The following COL19A1 variants were observed in gnomAD, a reference collection of about 807,000 sequenced individuals.
The protein encoded by COL19A1 is collagen type XIX alpha 1 chain, also known as collagen alpha-1(XIX) chain.
Under a neutral mutation model 190.2 loss-of-function variants are expected in COL19A1, and 159 were observed. The observed-to-expected ratio is 0.84, with a 90% confidence interval of 0.73 to 0.95. The LOEUF is 0.95. Among genes scored for constraint, COL19A1 ranks in the 40% least tolerant of loss-of-function variants. The pLI is 0.00. For synonymous variants in COL19A1, 509 were observed against 458.9 expected (o/e 1.11, Z -1.39); for missense variants, 1,418 against 1,431.9 (o/e 0.99, Z 0.16).
intron 46 of COL19A1, among the ~76,000 whole-genome samples, chr6:70,186,737 C>T (rs1423026639): frequency 6.6e-6 from 1 of 152,162 alleles, no homozygotes; most frequent in Non-Finnish European, 1.5e-5. Context: ...CTCTCATTCT[C>T]TCTTGCACAA....
At chr6:70,183,049 G>A (rs1490039302) in intron 44 of COL19A1, among the ~76,000 whole-genome samples, 1 of 152,068 alleles carries the variant, frequency 6.6e-6, no homozygotes. Flanking sequence ...TGTGAGGAGT[G>A]GGGAGGTGAT....
chr6:70,027,768 A>G (rs558406864), intron 12 of COL19A1, among the ~76,000 whole-genome samples: 1 of 151,940 alleles, frequency 6.6e-6, no homozygotes, highest in African/African-American at 2.4e-5. Flanking sequence ...AATCTAGTGT[A>G]TAATTAAATA....
chr6:70,174,678 T>C (rs554085580), intron 41 of COL19A1, among the ~76,000 whole-genome samples: 1 of 152,146 alleles, frequency 6.6e-6, no homozygotes, highest in East Asian at 1.9e-4. Flanking sequence ...CTTTTGACGG[T>C]GAGTACTGGA....
intron 49 of COL19A1, among the ~76,000 whole-genome samples, chr6:70,204,643 A>G: frequency 6.6e-6 from 1 of 152,232 alleles, no homozygotes; most frequent in East Asian, 1.9e-4. Flanking sequence ...TGAGAGCTGA[A>G]CTTAAATGAA....
chr6:70,003,756 C>G (rs1366629641), intron 11 of COL19A1, among the ~76,000 whole-genome samples: 4 of 152,000 alleles, frequency 2.6e-5, no homozygotes, highest in Non-Finnish European at 5.9e-5. Context: ...TTATTTTGAG[C>G]CTTTGTGTAT....
intron 34 of COL19A1, among the ~76,000 whole-genome samples, chr6:70,160,297 A>G (rs1312864981): frequency 6.6e-6 from 1 of 152,024 alleles, no homozygotes; most frequent in Non-Finnish European, 1.5e-5. Flanking sequence ...AACACTTACA[A>G]AACCATCAGA....
intron 48 of COL19A1, among the ~76,000 whole-genome samples, chr6:70,190,765 T>C (rs1766814064): frequency 6.6e-6 from 1 of 152,178 alleles, no homozygotes; most frequent in Non-Finnish European, 1.5e-5. Flanking sequence ...ATGACTCTCA[T>C]TTACCAAGGA....
chr6:70,098,937 A>G (rs1783453063), intron 15 of COL19A1, among the ~76,000 whole-genome samples: 1 of 151,670 alleles, frequency 6.6e-6, no homozygotes. Context: ...GCAGCCCCTA[A>G]GAAAGGTGCC....
intron 14 of COL19A1, among the ~76,000 whole-genome samples, chr6:70,057,657 C>T (rs537027728): frequency 1.6e-4 from 24 of 152,016 alleles, no homozygotes; most frequent in African/African-American, 2.6e-4. Context: ...AATTAAGGAA[C>T]GCAGGTTATA....
At chr6:70,047,592 G>A (rs991541088) in intron 14 of COL19A1, among the ~76,000 whole-genome samples, 2 of 152,004 alleles carry the variant, frequency 1.3e-5, no homozygotes, top group Admixed American at 6.6e-5. Context: ...ATTCAAGTAC[G>A]ATAAGCACAA....
Position 70,209,301 on chromosome 6 carries a change from A to AT in COL19A1, c.*2033dup, listed in dbSNP as rs1466088702. On this transcript the variant is annotated 3_prime_UTR_variant, in exon 51 of 51. Transcript: ENST00000620364. ...AATATTTTATATGTTTTCAAAGATT[A>AT]TTTTTTCATATTAATAGGTTGTTTA... 1 of 152,392 alleles carries AT rather than the reference A, an allele frequency of 6.6e-6. No homozygotes were observed. Among genetic ancestry groups the AT allele is most frequent in the Admixed American group, 6.6e-5 (1 of 15,254 alleles). The allele number at this position is 152,392 out of a possible 1,614,324, so 9.4% of individuals were successfully genotyped here. A position where few individuals can be genotyped will look rare whatever the true frequency, so the allele number is the denominator to read the frequency against.
At chr6:69,977,942 GA>G (rs921946420) in intron 11 of COL19A1, among the ~76,000 whole-genome samples, 24 of 150,436 alleles carry the variant, frequency 1.6e-4, no homozygotes, top group Admixed American at 5.9e-4. Context: ...TGGTCATATT[GA>G]AAAAAAAAAT....
At chr6:70,104,408 G>A (rs1364809111) in intron 16 of COL19A1, among the ~76,000 whole-genome samples, 1 of 152,112 alleles carries the variant, frequency 6.6e-6, no homozygotes. Context: ...TGTGAAGCGG[G>A]AAGTGCACTT....
At chr6:69,929,371 A>C (rs1461283700) in intron 5 of COL19A1, 54 bp from the exon 6 acceptor site, 4 of 1,539,552 alleles carry the variant, frequency 2.6e-6, no homozygotes, top group Non-Finnish European at 3.5e-6. Flanking sequence ...GTGTGCTTTA[A>C]TAATTTTGAA....
rs1447805821 is a variant in COL19A1, at chr6:70,146,813, G to T, written c.1817G>T (p.Gly606Val). 1 of 1,596,926 alleles carries T rather than the reference G, an allele frequency of 6.3e-7. No individual in the cohort carries two copies. The highest frequency in any genetic ancestry group is 8.5e-7 in the Non-Finnish European group (1 of 1,173,178). Residue 606 changes from glycine (G) to valine (V), a missense_variant and splice_region_variant, in exon 27 of 51, where the codon GGT (glycine) becomes GTT (valine). By Grantham distance (109) the Gly-to-Val change is moderately radical (BLOSUM62 -3). Transcript: ENST00000620364. Reference sequence around the variant, plus strand: ...TAACAGAAGCCTTTCATTTCACAGGGTGAAAGAGGACTTCCAGGTGTTCAC... The same window carrying T: ...TAACAGAAGCCTTTCATTTCACAGGTTGAAAGAGGACTTCCAGGTGTTCAC... The part of the protein sequence containing the change: ...PGAPGPRGPK[G>V]ERGLPGVHGS...
chr6:70,093,553 G>A (rs1453798048), intron 15 of COL19A1, among the ~76,000 whole-genome samples: 5 of 151,936 alleles, frequency 3.3e-5, no homozygotes. Flanking sequence ...AGGGCAAGCA[G>A]AAATCAGGCA....
At chr6:70,017,007 A>G (rs946436376) in intron 11 of COL19A1, among the ~76,000 whole-genome samples, 12 of 152,068 alleles carry the variant, frequency 7.9e-5, no homozygotes, top group African/African-American at 2.7e-4. Context: ...ACTCCTGGGT[A>G]TTTACCTAAG....
chr6:70,066,146 A>G (rs1234905785), intron 14 of COL19A1, among the ~76,000 whole-genome samples: 1 of 152,342 alleles, frequency 6.6e-6, no homozygotes. Context: ...AGACACATGC[A>G]CACGTATGTT....
At chr6:70,171,891 C>A (rs3806050) in intron 40 of COL19A1, 73 bp from the exon 41 acceptor site, 1 of 1,462,820 alleles carries the variant, frequency 6.8e-7, no homozygotes, top group East Asian at 2.3e-5. Flanking sequence ...GCAAAAAAAT[C>A]TTTGCTTTGG....
Sources: allele counts gnomAD v4.1 joint callset (sites outside exome capture counted in the v4.1 genomes callset), GRCh38; gene constraint gnomAD v4.1.1; transcripts MANE v1.5; gene names NCBI Gene and HGNC (gene_info 2026-07-23, HGNC 2026-07-21).